The following SDK1 variants were observed in gnomAD, a reference collection of about 807,000 sequenced individuals.
SDK1 encodes protein sidekick-1.
Under a neutral mutation model 245.5 loss-of-function variants are expected in SDK1, and 157 were observed. The observed-to-expected ratio is 0.64, with a 90% CI of 0.56 to 0.73. The LOEUF is 0.73. Among genes scored for constraint, SDK1 ranks in the 30% least tolerant of loss-of-function variants. SDK1 has a pLI of 0.00. For missense variants in SDK1, 3,583 were observed against 3,002.3 expected (o/e 1.19, Z -4.52); for synonymous variants, 1,647 against 1,278.5 (o/e 1.29, Z -6.15).
At chr7:4,062,068 C>G (rs1779579656) in intron 19 of SDK1, among the ~76,000 whole-genome samples, 2 of 151,324 alleles carry the variant, frequency 1.3e-5, no homozygotes, top group Non-Finnish European at 2.9e-5. Context: ...ACCAGCATGG[C>G]ACATGTATAC....
In SDK1 at chr7:4,166,688, A is replaced by T. The variant is rs1365162120; in HGVS notation, c.4800+4832A>T. On this transcript the variant is annotated intron_variant, in intron 32 of 44. Coordinates refer to ENST00000404826, the MANE Select transcript of SDK1 (RefSeq NM_152744.4). ...AGTGAAAGCTCAGATGGTTTCACTG[A>T]GCTTCCGGCCCGGGGGACCACGGTG... 3.9e-5 allele frequency among the ~76,000 whole-genome samples: 6 copies of T among 152,242 alleles called. No individual in the cohort carries two copies. In the East Asian group the frequency reaches 1.2e-3, roughly 29 times the overall value.
At chr7:4,246,671 G>C (rs1786880839) in intron 44 of SDK1, among the ~76,000 whole-genome samples, 1 of 152,092 alleles carries the variant, frequency 6.6e-6, no homozygotes, top group Admixed American at 6.5e-5. Flanking sequence ...AGCAGTTCCA[G>C]GTCATGTATC....
intron 32 of SDK1, among the ~76,000 whole-genome samples, 189 bp from the exon 33 acceptor site, chr7:4,174,033 A>G (rs965645262): frequency 6.6e-6 from 1 of 152,206 alleles, no homozygotes; most frequent in Admixed American, 6.5e-5. Context: ...TTCTGAGAGT[A>G]TCTCCACAGC....
At chr7:4,175,955 C>T in intron 34 of SDK1, 121 bp downstream of exon 34, 1 of 784,984 alleles carries the variant, frequency 1.3e-6, no homozygotes, top group Non-Finnish European at 2.2e-6. Flanking sequence ...CTGGAATCGC[C>T]TCTCAAACGC....
Position 4,045,516 on chromosome 7 carries a change from G to T in SDK1, c.2603-3832G>T, listed in dbSNP as rs1788955761. ...CCACCTCGGCCTCCCAAAATGCTGG[G>T]ATTACAAGTGTGAGCCACTATGCCC... is the stretch of plus-strand genomic sequence containing the variant. On this transcript the variant is annotated intron_variant, in intron 17 of 44. Coordinates refer to ENST00000404826, the MANE Select transcript of SDK1 (RefSeq NM_152744.4). 2.0e-5 allele frequency among the ~76,000 whole-genome samples: 3 copies of T among 151,952 alleles called. No individual in the cohort carries two copies. In the South Asian group the frequency reaches 6.2e-4, roughly 32 times the overall value.
rs144741150 is a variant in SDK1, at chr7:3,435,517, GATTATT to G, written c.298+133646_298+133651del. ...AGCTAATTATTATGATTATGATTAT[GATTATT>G]ATTATTATTATTTTGTATTTTAGTA... On this transcript the variant is annotated intron_variant, in intron 1 of 44. Coordinates refer to ENST00000404826, the MANE Select transcript of SDK1 (RefSeq NM_152744.4). 9.4e-3 allele frequency among the ~76,000 whole-genome samples: 1,403 copies of G among 149,976 alleles called. 25 individuals carry two copies. Among genetic ancestry groups the G allele is most frequent in the African/African-American group, 0.031 (1,265 of 40,764 alleles).
intron 43 of SDK1, among the ~76,000 whole-genome samples, chr7:4,242,284 T>C (rs989206032): frequency 6.6e-6 from 1 of 152,102 alleles, no homozygotes; most frequent in Non-Finnish European, 1.5e-5. Flanking sequence ...CCCGACCAGG[T>C]GTCCTCGCAA....
At chr7:4,025,421 C>T (rs997835849) in intron 17 of SDK1, among the ~76,000 whole-genome samples, 1 of 152,190 alleles carries the variant, frequency 6.6e-6, no homozygotes, top group Admixed American at 6.5e-5. Context: ...TGGAGCAGGG[C>T]AGGTAGGGTT....
At chr7:3,702,608 C>T (rs1381187552) in intron 4 of SDK1, among the ~76,000 whole-genome samples, 2 of 152,220 alleles carry the variant, frequency 1.3e-5, no homozygotes, top group Non-Finnish European at 2.9e-5. Context: ...AGCACAGAGG[C>T]TGTTCTTTCT....
chr7:3,700,382 T>G (rs921839233), intron 4 of SDK1, among the ~76,000 whole-genome samples: 1 of 152,196 alleles, frequency 6.6e-6, no homozygotes, highest in Non-Finnish European at 1.5e-5. Flanking sequence ...TCAAATGTAG[T>G]TCACAGTGAT....
chr7:3,681,324 A>G (rs796832014), intron 4 of SDK1, among the ~76,000 whole-genome samples: 34 of 152,298 alleles, frequency 2.2e-4, no homozygotes, highest in South Asian at 1.2e-3. Flanking sequence ...TTGCTGTTTA[A>G]GATTCCATTG....
At chr7:4,227,518 A>C in intron 40 of SDK1, 1 of 459,974 alleles carries the variant, frequency 2.2e-6, no homozygotes, top group Non-Finnish European at 4.5e-6. Context: ...CCATTCATAC[A>C]AAAAGAAATG....
intron 1 of SDK1, among the ~76,000 whole-genome samples, chr7:3,395,654 G>C (rs543207111): frequency 6.6e-6 from 1 of 151,970 alleles, no homozygotes; most frequent in South Asian, 2.1e-4. Flanking sequence ...TATTTTAAAA[G>C]CTCATTTAAT....
chr7:3,552,328 A>G (rs759652423), intron 1 of SDK1, among the ~76,000 whole-genome samples: 1 of 152,166 alleles, frequency 6.6e-6, no homozygotes, highest in Non-Finnish European at 1.5e-5. Flanking sequence ...GGTGTGAGCC[A>G]CCGCGCCCAG....
At chr7:4,103,672 T>G (rs10251143) in intron 22 of SDK1, among the ~76,000 whole-genome samples, 8,478 of 152,316 alleles carry the variant, frequency 0.056, 787 homozygotes, top group African/African-American at 0.19. Context: ...AAACACCAAG[T>G]TGAGGCTGGA....
chr7:3,717,727 T>C (rs1488794425), intron 4 of SDK1, among the ~76,000 whole-genome samples: 1 of 152,206 alleles, frequency 6.6e-6, no homozygotes, highest in African/African-American at 2.4e-5. Context: ...CCTATAGATA[T>C]ATAACCTGAA....
chr7:3,414,655 TA>T (rs1779311359), intron 1 of SDK1, among the ~76,000 whole-genome samples: 1 of 152,198 alleles, frequency 6.6e-6, no homozygotes, highest in African/African-American at 2.4e-5. Context: ...CACATAATCG[TA>T]AGGTTGTTCA....
At chr7:3,744,027 C>A (rs1017639861) in intron 4 of SDK1, among the ~76,000 whole-genome samples, 1 of 152,130 alleles carries the variant, frequency 6.6e-6, no homozygotes, top group African/African-American at 2.4e-5. Flanking sequence ...GCATCCAAAG[C>A]CCACTACTGG....
intron 1 of SDK1, among the ~76,000 whole-genome samples, chr7:3,615,360 C>T (rs1294907382): frequency 2.0e-5 from 3 of 151,608 alleles, no homozygotes; most frequent in Non-Finnish European, 2.9e-5. Flanking sequence ...AAATTGGACA[C>T]ATGGCTACAT....
Sources: allele counts gnomAD v4.1 joint callset (sites outside exome capture counted in the v4.1 genomes callset), GRCh38; gene constraint gnomAD v4.1.1; transcripts MANE v1.5; gene names NCBI Gene and HGNC (gene_info 2026-07-23, HGNC 2026-07-21).